TPP2: variants seen among roughly 807,000 people sequenced by gnomAD.
TPP2 encodes the protein tripeptidyl peptidase 2, also known as tripeptidyl-peptidase 2.
In TPP2, 34 loss-of-function variants were observed where a neutral mutation model predicts 155.9. That is an observed-to-expected ratio of 0.22 (90% CI 0.17 to 0.29). TPP2 has a LOEUF of 0.29. Ranked by LOEUF, TPP2 falls within the 10% of genes least tolerant of loss-of-function variation. TPP2 has a pLI of 1.00. For missense variants in TPP2, 1,028 were observed against 1,522.3 expected, an observed-to-expected ratio of 0.68 and a Z score of 5.40; for synonymous variants, 510 against 529.4, an observed-to-expected ratio of 0.96 and a Z score of 0.50.
Position 102,647,306 on chromosome 13 carries a change from A to G in TPP2, c.2590A>G (p.Lys864Glu). Residue 864 changes from lysine to glutamate, a missense_variant, in exon 21 of 30, where the codon AAA becomes GAA. Lys to Glu is a moderately conservative substitution (Grantham distance 56). Coordinates refer to ENST00000376052, the MANE Select transcript of TPP2 (RefSeq NM_001330588.2). ...ACTGTGGATTATTTTTGACCAGAAC[A>G]AAAGACAGATGGGTTCAGGCGATGC... ...SQLWIIFDQN[K>E]RQMGSGDAYP... is the part of the protein sequence containing the mutation. 6.2e-7 allele frequency: 1 copy of G among 1,613,988 alleles called. No individual in the cohort carries two copies. The highest frequency in any genetic ancestry group is 8.5e-7 in the Non-Finnish European group (1 of 1,179,956).
intron 20 of TPP2, 132 bp downstream of exon 20, chr13:102,646,522 T>C: frequency 1.7e-6 from 1 of 594,462 alleles, no homozygotes; most frequent in East Asian, 3.3e-5. Context: ...TAACAGTTAA[T>C]TTGGAATTAC....
At chr13:102,602,897 T>G (rs917608882) in intron 1 of TPP2, among the ~76,000 whole-genome samples, 5 of 151,290 alleles carry the variant, frequency 3.3e-5, no homozygotes, top group African/African-American at 9.7e-5. Flanking sequence ...GATGGAGTTT[T>G]TTTGTTTTTT....
At chr13:102,657,958 T>C (rs933950941) in intron 25 of TPP2, among the ~76,000 whole-genome samples, 2 of 152,236 alleles carry the variant, frequency 1.3e-5, no homozygotes, top group African/African-American at 4.8e-5. Flanking sequence ...TTTTAGATGT[T>C]ATCATTCGTT....
At chr13:102,630,304 A>G (rs1269506518) in intron 10 of TPP2, 109 bp downstream of exon 10, 2 of 740,126 alleles carry the variant, frequency 2.7e-6, no homozygotes, top group Admixed American at 3.1e-5. Flanking sequence ...GTTGGTTTTT[A>G]CTTTTTTTTC....
intron 2 of TPP2, chr13:102,607,707 C>T (rs899327475): frequency 7.5e-5 from 33 of 438,618 alleles, no homozygotes; most frequent in Non-Finnish European, 1.3e-4. Flanking sequence ...CTGCCTCAGC[C>T]TCCCGAGTAG....
At chr13:102,637,702 C>A (rs1472674920) in intron 14 of TPP2, among the ~76,000 whole-genome samples, 1 of 152,150 alleles carries the variant, frequency 6.6e-6, no homozygotes, top group Non-Finnish European at 1.5e-5. Context: ...TGGCGTGCAC[C>A]ACCAAGCCTG....
At position 102,635,716 on chromosome 13, in the gene TPP2, T is replaced by C; in HGVS notation, c.1509+14T>C. The C allele has an allele frequency of 6.3e-7, 1 of 1,582,420 alleles. No homozygotes were observed. The highest frequency in any genetic ancestry group is 8.7e-7 in the Non-Finnish European group (1 of 1,154,538). ...GGTATTATTCAGGTATTGTTGCCTA[T>C]ATGAAAAATGGGTTGTAAAGCATCA... On this transcript the variant is annotated intron_variant, in intron 12 of 29. Transcript: ENST00000376052.
At chr13:102,630,258 G>A in intron 10 of TPP2, 63 bp downstream of exon 10, 1 of 1,246,708 alleles carries the variant, frequency 8.0e-7, no homozygotes, top group Non-Finnish European at 1.1e-6. Context: ...CTGTTGAGAA[G>A]GGCAGAGTTT....
chr13:102,605,029 A>G, intron 2 of TPP2, 108 bp downstream of exon 2: 2 of 1,478,716 alleles, frequency 1.4e-6, no homozygotes, highest in South Asian at 1.2e-5. Context: ...CCATTGCCAC[A>G]TATCAGATTA....
intron 28 of TPP2, 97 bp downstream of exon 28, chr13:102,674,587 G>T (rs1430520741): frequency 1.6e-6 from 2 of 1,222,714 alleles, no homozygotes; most frequent in Middle Eastern, 2.4e-4. Flanking sequence ...GAAGATAAAT[G>T]GAAAGAATCT....
chr13:102,663,626 T>G, intron 25 of TPP2, 22 bp from the exon 26 acceptor site: 1 of 1,522,364 alleles, frequency 6.6e-7, no homozygotes, highest in Non-Finnish European at 8.9e-7. Context: ...AGTAAATATT[T>G]CTCTCCTTCT....
At chr13:102,656,945 G>A in intron 24 of TPP2, 111 bp from the exon 25 acceptor site, 1 of 1,145,436 alleles carries the variant, frequency 8.7e-7, no homozygotes, top group South Asian at 1.5e-5. Flanking sequence ...AGAATACAGT[G>A]TAGTACAACT....
intron 15 of TPP2, 148 bp from the exon 16 acceptor site, chr13:102,640,122 C>T (rs1238371094): frequency 1.2e-5 from 7 of 570,322 alleles, no homozygotes; most frequent in South Asian, 6.4e-5. Flanking sequence ...AAAAATTGAA[C>T]AATATCGTAC....
chr13:102,597,586 C>A (rs752437620), intron 1 of TPP2, among the ~76,000 whole-genome samples: 1 of 152,042 alleles, frequency 6.6e-6, no homozygotes, highest in Non-Finnish European at 1.5e-5. Flanking sequence ...CTCCTTCCCT[C>A]CACGCCGCCT....
At chr13:102,647,160 A>G in intron 20 of TPP2, 47 bp from the exon 21 acceptor site, 2 of 1,525,016 alleles carry the variant, frequency 1.3e-6, no homozygotes. Context: ...TTTGTATCAG[A>G]AATTATATGC....
intron 25 of TPP2, among the ~76,000 whole-genome samples, 193 bp downstream of exon 25, chr13:102,657,400 A>G (rs1171978301): frequency 6.6e-6 from 1 of 151,580 alleles, no homozygotes; most frequent in African/African-American, 2.4e-5. Flanking sequence ...TAATTTTGTG[A>G]TTAAATGTTT....
At chr13:102,656,969 T>C in intron 24 of TPP2, 87 bp from the exon 25 acceptor site, 1 of 1,370,960 alleles carries the variant, frequency 7.3e-7, no homozygotes, top group South Asian at 1.3e-5. Flanking sequence ...GTGCAGCCCA[T>C]GTTACATGAC....
intron 1 of TPP2, among the ~76,000 whole-genome samples, chr13:102,604,459 A>G (rs1451081088): frequency 6.6e-6 from 1 of 152,076 alleles, no homozygotes; most frequent in East Asian, 1.9e-4. Flanking sequence ...TTTGTTATTA[A>G]CTGAACTGCT....
chr13:102,604,946 AAT>A (rs1491426773), intron 2 of TPP2, 25 bp downstream of exon 2: 4 of 1,596,674 alleles, frequency 2.5e-6, no homozygotes. Context: ...CTTCTTTTTG[AAT>A]TTTTTTTTTT....
Sources: allele counts gnomAD v4.1 joint callset (sites outside exome capture counted in the v4.1 genomes callset), GRCh38; gene constraint gnomAD v4.1.1; transcripts MANE v1.5; gene names NCBI Gene and HGNC (gene_info 2026-07-23, HGNC 2026-07-21).